STK32B: variants seen among roughly 807,000 people sequenced by gnomAD.
STK32B encodes serine/threonine-protein kinase 32B.
In STK32B, 43 loss-of-function variants were observed where a neutral mutation model predicts 52.6. That is an observed-to-expected ratio of 0.82 (90% CI 0.64 to 1.05). STK32B has a LOEUF of 1.05. Among genes scored for constraint, STK32B ranks in the 50% least tolerant of loss-of-function variants. The pLI, the probability that STK32B is intolerant of heterozygous loss-of-function variation, is 0.00. For synonymous variants in STK32B, 238 were observed against 204.3 expected, an observed-to-expected ratio of 1.17 and a Z score of -1.41; for missense variants, 621 against 534.6, an observed-to-expected ratio of 1.16 and a Z score of -1.59.
chr4:5,094,982 A>G (rs1713303876), intron 1 of STK32B, among the ~76,000 whole-genome samples: 1 of 152,222 alleles, frequency 6.6e-6, no homozygotes, highest in African/African-American at 2.4e-5. Context: ...CTGTGGGCTC[A>G]GAGAGGAATG....
intron 3 of STK32B, among the ~76,000 whole-genome samples, chr4:5,269,002 T>G (rs544158439): frequency 1.4e-4 from 21 of 152,140 alleles, no homozygotes; most frequent in South Asian, 6.2e-4. Flanking sequence ...AGGTTGTGAC[T>G]CTGGAAGCAG....
At chr4:5,245,867 A>T (rs1285944950) in intron 3 of STK32B, among the ~76,000 whole-genome samples, 1 of 152,194 alleles carries the variant, frequency 6.6e-6, no homozygotes, top group Non-Finnish European at 1.5e-5. Context: ...TCTGGGTTGA[A>T]AATTCTTTTC....
At chr4:5,476,895 A>G (rs957899376) in intron 11 of STK32B, among the ~76,000 whole-genome samples, 2 of 151,714 alleles carry the variant, frequency 1.3e-5, no homozygotes, top group Non-Finnish European at 2.9e-5. Context: ...CCACAACCCA[A>G]GGGATGCCGC....
intron 5 of STK32B, among the ~76,000 whole-genome samples, chr4:5,402,730 G>A (rs1737386241): frequency 6.6e-6 from 1 of 152,222 alleles, no homozygotes; most frequent in Non-Finnish European, 1.5e-5. Flanking sequence ...GATCTAATCT[G>A]CAGCCAAGGC....
chr4:5,237,116 G>A (rs1039127509), intron 3 of STK32B, among the ~76,000 whole-genome samples: 5 of 152,148 alleles, frequency 3.3e-5, no homozygotes, highest in Non-Finnish European at 5.9e-5. Context: ...TTGCCAGGTG[G>A]GAGGCTGAAA....
intron 2 of STK32B, among the ~76,000 whole-genome samples, chr4:5,166,008 G>A (rs1718842559): frequency 6.6e-6 from 1 of 152,144 alleles, no homozygotes; most frequent in African/African-American, 2.4e-5. Flanking sequence ...AGAAATATGC[G>A]GAGACTGAGG....
rs555587474 is a variant in STK32B, at chr4:5,499,222, A to G, written c.*139A>G. On this transcript the variant is annotated 3_prime_UTR_variant, in exon 12 of 12. Coordinates refer to ENST00000282908, the MANE Select transcript of STK32B (RefSeq NM_018401.3). Reference sequence around the variant, plus strand: ...AAAAGCCCTGGACTTGGAGCTGGGAAGCCTGGGTTCTGGTCCCATCTCCAT... The same window carrying G: ...AAAAGCCCTGGACTTGGAGCTGGGAGGCCTGGGTTCTGGTCCCATCTCCAT... 8.6e-6 allele frequency: 11 copies of G among 1,276,404 alleles called. No homozygotes were observed. Among genetic ancestry groups the G allele is most frequent in the Non-Finnish European group, 1.1e-5 (11 of 960,634 alleles). The allele number at this position is 1,276,404 out of a possible 1,614,324, so 79.1% of individuals were successfully genotyped here.
rs531932168 is a variant in STK32B, at chr4:5,399,176, C to T, written c.472+932C>T. Among the ~76,000 whole-genome samples the T allele has an allele frequency of 5.3e-5, 8 of 150,620 alleles. No homozygotes were observed. The South Asian group carries it at 1.0e-3, about 20-fold the overall frequency. ...ATTCACTGGCATTGCTTCAGGGGCC[C>T]GTCTCTCAGGGCCTAACATGGGGTT... On this transcript the variant is annotated intron_variant, in intron 5 of 11. Coordinates refer to ENST00000282908, the MANE Select transcript of STK32B (RefSeq NM_018401.3). This position sits in a 1 kb window ranked among gnomAD's most constrained non-coding sequence, Gnocchi z 5.4.
At chr4:5,146,249 A>G (rs1716906041) in intron 2 of STK32B, among the ~76,000 whole-genome samples, 1 of 152,148 alleles carries the variant, frequency 6.6e-6, no homozygotes, top group Non-Finnish European at 1.5e-5. Context: ...GTTAAGGAGC[A>G]AGGAAGACAG....
intron 3 of STK32B, among the ~76,000 whole-genome samples, chr4:5,236,514 G>C (rs1724648059): frequency 1.3e-5 from 2 of 152,140 alleles, no homozygotes; most frequent in South Asian, 4.1e-4. Flanking sequence ...TGCTACTCTT[G>C]TGACTTCCAA....
intron 3 of STK32B, among the ~76,000 whole-genome samples, chr4:5,301,854 C>G (rs1313454366): frequency 3.1e-5 from 4 of 130,478 alleles, no homozygotes; most frequent in Admixed American, 7.5e-5. Flanking sequence ...TGTTTTTTTT[C>G]TAGTTTCTTA....
At chr4:5,397,157 T>C (rs1560380026) in intron 4 of STK32B, among the ~76,000 whole-genome samples, 1 of 152,268 alleles carries the variant, frequency 6.6e-6, no homozygotes, top group Non-Finnish European at 1.5e-5. Context: ...GAGCAGTTGC[T>C]CTTTATTTTG....
intron 3 of STK32B, among the ~76,000 whole-genome samples, chr4:5,169,324 A>G (rs1719147164): frequency 6.6e-6 from 1 of 152,032 alleles, no homozygotes; most frequent in Non-Finnish European, 1.5e-5. Flanking sequence ...CCTAAGCTGG[A>G]TTGTGTTGAA....
intron 2 of STK32B, among the ~76,000 whole-genome samples, chr4:5,158,019 T>C (rs916145922): frequency 6.6e-6 from 1 of 152,242 alleles, no homozygotes; most frequent in Non-Finnish European, 1.5e-5. Flanking sequence ...GCTTGAGGCA[T>C]ACTTTGGAGG....
intron 6 of STK32B, among the ~76,000 whole-genome samples, chr4:5,446,081 G>T (rs1217634887): frequency 1.3e-5 from 2 of 152,178 alleles, no homozygotes; most frequent in African/African-American, 2.4e-5. Context: ...CCCTCCAGGG[G>T]CATGTCTTCC....
rs557673961 is a variant in STK32B at position 5,399,773 on chromosome 4, T to C, written c.472+1529T>C. On this transcript the variant is annotated intron_variant, in intron 5 of 11. Transcript: ENST00000282908. This position sits in a 1 kb window ranked among gnomAD's most constrained non-coding sequence, Gnocchi z 5.4. ...CTTGCAGGGTGGTGAATGTCTCATC[T>C]CGGGTGAGACTCGAAGGTCAGCCAC... 6.6e-6 allele frequency among the ~76,000 whole-genome samples: 1 copy of C among 152,204 alleles called. No individual in the cohort carries two copies. Among genetic ancestry groups the C allele is most frequent in the East Asian group, 1.9e-4 (1 of 5,150 alleles).
At chr4:5,245,555 G>A (rs1034523738) in intron 3 of STK32B, among the ~76,000 whole-genome samples, 1 of 152,106 alleles carries the variant, frequency 6.6e-6, no homozygotes, top group African/African-American at 2.4e-5. Flanking sequence ...TTTAATTGGA[G>A]CATTTAGCCC....
upstream of STK32B, among the ~76,000 whole-genome samples, chr4:5,048,823 G>A (rs1354217819): frequency 6.6e-6 from 1 of 152,228 alleles, no homozygotes; most frequent in African/African-American, 2.4e-5. Flanking sequence ...TGGGGATGGT[G>A]ACACACCTAC....
intron 11 of STK32B, among the ~76,000 whole-genome samples, chr4:5,495,915 C>G (rs571631091): frequency 4.6e-5 from 7 of 152,318 alleles, no homozygotes; most frequent in African/African-American, 1.7e-4. Context: ...GCGAATGCTG[C>G]TCTCTGATCG....
Sources: gnomAD v4.1 joint callset for allele counts (sites outside exome capture counted in the v4.1 genomes callset) on GRCh38, gnomAD v4.1.1 for gene constraint, Gnocchi (gnomAD v3.1) non-coding constraint, MANE v1.5 for transcripts, NCBI Gene and HGNC (gene_info 2026-07-23, HGNC 2026-07-21) for gene names.